The following HSPBP1 variants were observed in gnomAD, a reference collection of about 807,000 sequenced individuals.
The protein encoded by HSPBP1 is HSPA (Hsp70) binding protein 1, also known as hsp70-binding protein 1.
In HSPBP1, 31 loss-of-function variants were observed where a neutral mutation model predicts 41.7. The observed-to-expected ratio is 0.74, with a 90% CI of 0.56 to 1.00. HSPBP1 has a LOEUF of 1.00. HSPBP1 is among the 50% of genes least tolerant of loss of function. HSPBP1 has a pLI of 0.00. For missense variants in HSPBP1, 439 were observed against 487.9 expected, an observed-to-expected ratio of 0.90 and a Z score of 0.94; for synonymous variants, 199 against 214.4, an observed-to-expected ratio of 0.93 and a Z score of 0.63.
chr19:55,270,354 C>T lies in HSPBP1; in HGVS notation c.640+4044G>A, dbSNP rs2087889444. Among the ~76,000 whole-genome samples the T allele has an allele frequency of 6.6e-6, 1 of 152,200 alleles. No homozygotes were observed. The highest frequency in any genetic ancestry group is 2.4e-5 in the African/African-American group (1 of 41,460). On this transcript the variant is annotated intron_variant, in intron 4 of 7. Transcript: ENST00000433386. This position sits in a 1 kb window ranked among gnomAD's most constrained non-coding sequence, Gnocchi z 5.4. ...ATGGTGGAAGCCCATCTCTAGCACC[C>T]CTTCCTCAGAGGGGGATTGTGAGGG...
In HSPBP1 at chr19:55,270,476, A is replaced by G. The variant is rs1207528723; in HGVS notation, c.640+3922T>C. ...CCACAACCTCATGCAACCTCATGCA[A>G]CCTCATGAAGACGCAAAGCCAGAAG... On this transcript the variant is annotated intron_variant, in intron 4 of 7. Transcript: ENST00000433386. This position sits in a 1 kb window ranked among gnomAD's most constrained non-coding sequence, Gnocchi z 5.4. 6.6e-6 allele frequency among the ~76,000 whole-genome samples: 1 copy of G among 152,108 alleles called. No homozygotes were observed. The highest frequency in any genetic ancestry group is 1.5e-5 in the Non-Finnish European group (1 of 68,016).
chr19:55,274,474 G>T lies in HSPBP1; in HGVS notation c.564C>A (p.Ala188=), dbSNP rs1409972536. 1 of 1,589,938 alleles carries T rather than the reference G, an allele frequency of 6.3e-7. No individual in the cohort carries two copies. The highest frequency in any genetic ancestry group is 1.7e-5 in the Admixed American group (1 of 57,292). The change falls in exon 4 of 8, where the codon GCC becomes GCA. Residue 188 remains alanine, a synonymous_variant. Transcript: ENST00000433386. ...CCAGCAGCCGCAGCAGCTTACGCAGGGCACCCAGGCCCAGCACCTGCTCCT... is the reference window on the plus strand; with the variant it reads ...CCAGCAGCCGCAGCAGCTTACGCAGTGCACCCAGGCCCAGCACCTGCTCCT... ...AIQEQVLGLG[A]LRKLLRLLDR...
chr19:55,279,659 CGCT>C lies in HSPBP1; in HGVS notation c.-54_-52del. ...TGTGTTAGAGGGAGAAGGTGGTCAC[CGCT>C]GAAGCAGCTCTGGCGTCCTGATGGG... is the stretch of plus-strand genomic sequence containing the variant. On this transcript the variant is annotated 5_prime_UTR_variant, in exon 2 of 8. Coordinates refer to ENST00000433386, the MANE Select transcript of HSPBP1 (RefSeq NM_012267.5). 1 of 1,548,230 alleles carries C rather than the reference CGCT, an allele frequency of 6.5e-7. No individual in the cohort carries two copies. The highest frequency in any genetic ancestry group is 8.7e-7 in the Non-Finnish European group (1 of 1,147,740).
In HSPBP1 at chr19:55,269,288, A is replaced by G. The variant is rs2087862273; in HGVS notation, c.641-3002T>C. 2.0e-5 allele frequency among the ~76,000 whole-genome samples: 3 copies of G among 152,060 alleles called. No individual in the cohort carries two copies. In the South Asian group the frequency reaches 6.2e-4, roughly 32 times the overall value. On this transcript the variant is annotated intron_variant, in intron 4 of 7. Transcript: ENST00000433386. ...AAAATGTCTCCAGACATTTGTCTAA[A>G]TGTCCTGTGGAGGACACGATTGTCC...
At chr19:55,278,009 G>A (rs2088122361) in intron 2 of HSPBP1, among the ~76,000 whole-genome samples, 163 bp from the exon 3 acceptor site, 1 of 152,228 alleles carries the variant, frequency 6.6e-6, no homozygotes, top group African/African-American at 2.4e-5. Flanking sequence ...CACTTTGGGA[G>A]GCCGAGGTGG....
intron 1 of HSPBP1, 133 bp from the exon 2 acceptor site, chr19:55,279,835 C>T: frequency 1.0e-6 from 1 of 997,994 alleles, no homozygotes; most frequent in Non-Finnish European, 1.5e-6. Flanking sequence ...AAGTCATAAG[C>T]CTCTCCTTTC....
At chr19:55,273,449 T>TG (rs1459095489) in intron 4 of HSPBP1, among the ~76,000 whole-genome samples, 7 of 152,206 alleles carry the variant, frequency 4.6e-5, no homozygotes, top group Non-Finnish European at 8.8e-5. Flanking sequence ...TCCACCAGGC[T>TG]GGGATCCTGG....
At chr19:55,273,587 C>T (rs1488335830) in intron 4 of HSPBP1, among the ~76,000 whole-genome samples, 1 of 152,132 alleles carries the variant, frequency 6.6e-6, no homozygotes, top group Non-Finnish European at 1.5e-5. Flanking sequence ...AACTGCCCCA[C>T]AGATGTTGGT....
Position 55,266,240 on chromosome 19 carries a change from C to A in HSPBP1, c.687G>T (p.Leu229=). 1 of 1,583,752 alleles carries A rather than the reference C, an allele frequency of 6.3e-7. No homozygotes were observed. Among genetic ancestry groups the A allele is most frequent in the South Asian group, 1.2e-5 (1 of 86,836 alleles). The change falls in exon 5 of 8, where the codon CTG becomes CTT. Residue 229 remains leucine (L), a synonymous_variant. Coordinates refer to ENST00000433386, the MANE Select transcript of HSPBP1 (RefSeq NM_012267.5). ...QEAGLLQFLR[L]DGFSVLMRAM... is the part of the protein sequence containing the mutation. ...CCCTCATCAACACAGAGAAGCCGTC[C>A]AGGCGGAGGAACTGCAGCAGCCCAG...
rs748617005 is a variant in HSPBP1, at chr19:55,270,957, C to T, written c.640+3441G>A. ...GTACACGCTACACTAACACACGACA[C>T]GCCAAACACCCCACATACACACCAT... On this transcript the variant is annotated intron_variant, in intron 4 of 7. Transcript: ENST00000433386. This position sits in a 1 kb window ranked among gnomAD's most constrained non-coding sequence, Gnocchi z 5.4. 5.3e-5 allele frequency among the ~76,000 whole-genome samples: 8 copies of T among 151,050 alleles called. No homozygotes were observed. Among genetic ancestry groups the T allele is most frequent in the Admixed American group, 2.6e-4 (4 of 15,126 alleles).
chr19:55,274,347 A>ACCCCCCCCCCCCCCCCCCCCCCCCCCCCC, intron 4 of HSPBP1, 51 bp downstream of exon 4: 9 of 325,718 alleles, frequency 2.8e-5, no homozygotes, highest in East Asian at 5.2e-5. Context: ...CCCACCCGGC[A>ACCCCCCCCCCCCCCCCCCCCCCCCCCCCC]CCCCCCCCCA....
chr19:55,272,045 G>A lies in HSPBP1; in HGVS notation c.640+2353C>T, dbSNP rs532948680. Among the ~76,000 whole-genome samples, 4 of 151,478 alleles carry A rather than the reference G, an allele frequency of 2.6e-5. No individual in the cohort carries two copies. The highest frequency in any genetic ancestry group is 3.9e-4 in the East Asian group (2 of 5,130). ...CCACTGCACTCCAGCCTGGGCCACAGAGCGAGACTCCGTCTCAAGAAACAA... is the reference window on the plus strand; with the variant it reads ...CCACTGCACTCCAGCCTGGGCCACAAAGCGAGACTCCGTCTCAAGAAACAA... On this transcript the variant is annotated intron_variant, in intron 4 of 7. Coordinates refer to ENST00000433386, the MANE Select transcript of HSPBP1 (RefSeq NM_012267.5). The surrounding 1 kb of genome is among the most constrained non-coding windows in gnomAD (Gnocchi z 4.2).
chr19:55,272,650 G>T lies in HSPBP1; in HGVS notation c.640+1748C>A, dbSNP rs534822545. Among the ~76,000 whole-genome samples the T allele has an allele frequency of 2.9e-4, 44 of 152,100 alleles. No individual in the cohort carries two copies. Among genetic ancestry groups the T allele is most frequent in the South Asian group, 1.5e-3 (7 of 4,824 alleles). On this transcript the variant is annotated intron_variant, in intron 4 of 7. Transcript: ENST00000433386. The surrounding 1 kb of genome is among the most constrained non-coding windows in gnomAD (Gnocchi z 4.2). ...GAGGTCAGGAGGTTGAGACCAGCCT[G>T]GCCAACAGGGTGAAACCCCGTCTCT... is the stretch of plus-strand genomic sequence containing the variant.
intron 4 of HSPBP1, among the ~76,000 whole-genome samples, chr19:55,269,543 C>T (rs1208538320): frequency 6.6e-6 from 1 of 152,082 alleles, no homozygotes; most frequent in Non-Finnish European, 1.5e-5. Flanking sequence ...GCTTATTCAG[C>T]GCTAAAAAGA....
At chr19:55,265,843 G>T (rs113699144) in intron 6 of HSPBP1, 43 bp downstream of exon 6, 1 of 1,467,434 alleles carries the variant, frequency 6.8e-7, no homozygotes, top group Admixed American at 2.7e-5. Flanking sequence ...TGAGAGGACG[G>T]GGCCCCCACC....
chr19:55,272,639 G>C lies in HSPBP1; in HGVS notation c.640+1759C>G, dbSNP rs959934391. On this transcript the variant is annotated intron_variant, in intron 4 of 7. Coordinates refer to ENST00000433386, the MANE Select transcript of HSPBP1 (RefSeq NM_012267.5). The surrounding 1 kb of genome is among the most constrained non-coding windows in gnomAD (Gnocchi z 4.2). Reference sequence around the variant, plus strand: ...GTGGATCACCTGAGGTCAGGAGGTTGAGACCAGCCTGGCCAACAGGGTGAA... The same window carrying C: ...GTGGATCACCTGAGGTCAGGAGGTTCAGACCAGCCTGGCCAACAGGGTGAA... Among the ~76,000 whole-genome samples the C allele has an allele frequency of 2.6e-5, 4 of 152,080 alleles. No individual in the cohort carries two copies. The highest frequency in any genetic ancestry group is 1.3e-4 in the Admixed American group (2 of 15,270).
chr19:55,265,728 G>A (rs2087756966), intron 6 of HSPBP1, among the ~76,000 whole-genome samples, 158 bp downstream of exon 6: 1 of 152,000 alleles, frequency 6.6e-6, no homozygotes, highest in South Asian at 2.1e-4. Flanking sequence ...TGAGGAAACT[G>A]AGGCTCCCTG....
intron 7 of HSPBP1, among the ~76,000 whole-genome samples, chr19:55,263,284 C>G (rs1311525954): frequency 1.3e-5 from 2 of 152,288 alleles, no homozygotes; most frequent in East Asian, 3.9e-4. Flanking sequence ...TGGAGTACTA[C>G]TTTTCAACAA....
At position 55,279,528 on chromosome 19, in the gene HSPBP1, G is replaced by A. The variant is rs767940681; in HGVS notation, c.81C>T (p.Gly27=). The change falls in exon 2 of 8, where the codon GGC becomes GGT. Residue 27 remains glycine, a synonymous_variant. Transcript: ENST00000433386. ...PASQGCSSGG[G]GGGSSAGGSG... ...AGCCCCCAGCCGAGGAGCCGCCGCC[G>A]CCGCCCCCTGAAGAGCAACCCTGGG... is the stretch of plus-strand genomic sequence containing the variant. 9.3e-6 allele frequency: 15 copies of A among 1,609,856 alleles called. No homozygotes were observed. Among genetic ancestry groups the A allele is most frequent in the Non-Finnish European group, 1.2e-5 (14 of 1,178,684 alleles).
Sources: allele counts gnomAD v4.1 joint callset (sites outside exome capture counted in the v4.1 genomes callset), GRCh38; gene constraint gnomAD v4.1.1; non-coding constraint Gnocchi (gnomAD v3.1); transcripts MANE v1.5; gene names NCBI Gene and HGNC (gene_info 2026-07-23, HGNC 2026-07-21).